The following HPSE2 variants were observed in gnomAD, a reference collection of about 807,000 sequenced individuals.
HPSE2 encodes the protein inactive heparanase-2.
Under a neutral mutation model 60.5 loss-of-function variants are expected in HPSE2, and 38 were observed. The observed-to-expected ratio is 0.63, with a 90% CI of 0.48 to 0.82. The LOEUF is 0.82. HPSE2 is among the 40% of genes least tolerant of loss of function. The probability of loss-of-function intolerance (pLI) is 0.00; values close to 1 mark genes in which losing one functional copy is unlikely to be tolerated. For synonymous variants in HPSE2, 295 were observed against 293.2 expected, an observed-to-expected ratio of 1.01 and a Z score of -0.06; for missense variants, 713 against 740.4, an observed-to-expected ratio of 0.96 and a Z score of 0.43.
chr10:99,259,114 C>T, the HPSE2 span, among the ~76,000 whole-genome samples: 7 of 151,940 alleles, frequency 4.6e-5, no homozygotes, highest in South Asian at 4.2e-4. Flanking sequence ...AAGACCAGCC[C>T]GACCAACATG....
chr10:98,904,747 G>A (rs1161357996), intron 3 of HPSE2, among the ~76,000 whole-genome samples: 1 of 151,912 alleles, frequency 6.6e-6, no homozygotes, highest in Non-Finnish European at 1.5e-5. Context: ...AAAAAACAAT[G>A]GAAGAAATTA....
chr10:99,227,676 A>G (rs1849514692), intron 2 of HPSE2, among the ~76,000 whole-genome samples: 1 of 151,792 alleles, frequency 6.6e-6, no homozygotes, highest in African/African-American at 2.4e-5. Flanking sequence ...CTTTTAACCT[A>G]GCATACACCC....
chr10:98,887,368 A>G (rs1953195620), intron 3 of HPSE2, among the ~76,000 whole-genome samples: 1 of 152,150 alleles, frequency 6.6e-6, no homozygotes, highest in African/African-American at 2.4e-5. Flanking sequence ...GGTCTAAGAC[A>G]TGGGAAGTGC....
chr10:99,252,851 T>A, the HPSE2 span, among the ~76,000 whole-genome samples: 6 of 135,114 alleles, frequency 4.4e-5, no homozygotes, highest in Non-Finnish European at 9.2e-5. Flanking sequence ...TACTCCAGCC[T>A]GGGCGACAGA....
At chr10:99,305,070 C>T in the HPSE2 span, among the ~76,000 whole-genome samples, 1 of 152,152 alleles carries the variant, frequency 6.6e-6, no homozygotes, top group African/African-American at 2.4e-5. Flanking sequence ...GTCACATTTG[C>T]CAATATGGGC....
intron 2 of HPSE2, among the ~76,000 whole-genome samples, chr10:99,195,771 T>C (rs1443926521): frequency 1.3e-5 from 2 of 152,094 alleles, no homozygotes; most frequent in Admixed American, 1.3e-4. Flanking sequence ...ATTGTTAAAA[T>C]GTCCATTCTA....
chr10:99,169,288 G>A (rs1847211748), intron 2 of HPSE2, among the ~76,000 whole-genome samples: 2 of 147,850 alleles, frequency 1.4e-5, no homozygotes, highest in Admixed American at 6.8e-5. Context: ...GGCGGATCAC[G>A]AAGTCAGGAG....
intron 9 of HPSE2, among the ~76,000 whole-genome samples, chr10:98,515,717 A>G (rs1942580369): frequency 6.6e-6 from 1 of 152,196 alleles, no homozygotes. Context: ...AAAATGAAAA[A>G]AAGTTTTCAT....
chr10:99,133,234 CCA>C (rs1845515728), intron 3 of HPSE2, among the ~76,000 whole-genome samples: 1 of 152,204 alleles, frequency 6.6e-6, no homozygotes, highest in African/African-American at 2.4e-5. Context: ...GGCAGCAGCC[CCA>C]GTCAGGGACT....
At chr10:99,117,332 A>T (rs1844735690) in intron 3 of HPSE2, among the ~76,000 whole-genome samples, 2 of 150,430 alleles carry the variant, frequency 1.3e-5, no homozygotes, top group South Asian at 4.2e-4. Context: ...GAAGACAAGA[A>T]ATAACCAAAC....
intron 7 of HPSE2, among the ~76,000 whole-genome samples, chr10:98,632,964 C>T (rs11189725): frequency 0.086 from 13,062 of 152,002 alleles, 1,355 homozygotes; most frequent in African/African-American, 0.24. Flanking sequence ...CATTAATTTA[C>T]GTCAGTGGAA....
chr10:98,480,206 C>T (rs1383093043), intron 11 of HPSE2, among the ~76,000 whole-genome samples: 2 of 151,858 alleles, frequency 1.3e-5, no homozygotes, highest in African/African-American at 4.8e-5. Context: ...CTCGGGCTCC[C>T]AAGTAGCTGG....
At chr10:99,136,260 C>CA (rs1410094215) in intron 3 of HPSE2, among the ~76,000 whole-genome samples, 1 of 151,814 alleles carries the variant, frequency 6.6e-6, no homozygotes, top group Non-Finnish European at 1.5e-5. Context: ...GCCTACCAAC[C>CA]AAAAAAACGT....
chr10:98,688,016 C>T (rs1294292153), intron 6 of HPSE2, among the ~76,000 whole-genome samples: 1 of 151,418 alleles, frequency 6.6e-6, no homozygotes, highest in Non-Finnish European at 1.5e-5. Context: ...ATTTTTTGTT[C>T]CTCTCTTTCT....
chr10:98,831,919 G>A (rs1055098924), intron 3 of HPSE2, among the ~76,000 whole-genome samples: 1 of 152,142 alleles, frequency 6.6e-6, no homozygotes, highest in South Asian at 2.1e-4. Context: ...TTTTTGACAG[G>A]CGAGTCCAAT....
chr10:98,658,153 G>A (rs1273965496), intron 6 of HPSE2, among the ~76,000 whole-genome samples: 2 of 152,100 alleles, frequency 1.3e-5, no homozygotes, highest in African/African-American at 2.4e-5. Flanking sequence ...GGGCCTAAAC[G>A]ATACGATGAA....
intron 2 of HPSE2, among the ~76,000 whole-genome samples, chr10:99,197,204 A>G (rs1041677172): frequency 5.3e-5 from 8 of 152,164 alleles, no homozygotes; most frequent in Non-Finnish European, 1.0e-4. Context: ...TAGTAAAAGG[A>G]TTGTTACCAG....
intron 3 of HPSE2, among the ~76,000 whole-genome samples, chr10:98,919,917 A>C (rs1168593082): frequency 6.6e-6 from 1 of 152,164 alleles, no homozygotes; most frequent in Non-Finnish European, 1.5e-5. Context: ...ATTAGCAGTA[A>C]ATTGGAAGAA....
chr10:99,101,942 C>A (rs1319328504), intron 3 of HPSE2, among the ~76,000 whole-genome samples: 1 of 152,142 alleles, frequency 6.6e-6, no homozygotes, highest in East Asian at 1.9e-4. Context: ...CCAATGAGAA[C>A]AAAGACACAA....
Sources: allele counts gnomAD v4.1 joint callset (sites outside exome capture counted in the v4.1 genomes callset), GRCh38; gene constraint gnomAD v4.1.1; transcripts MANE v1.5; gene names NCBI Gene and HGNC (gene_info 2026-07-23, HGNC 2026-07-21).